The following CCSER1 variants were observed in gnomAD, a reference collection of about 807,000 sequenced individuals.
CCSER1 encodes coiled-coil serine rich protein 1, also known as serine-rich coiled-coil domain-containing protein 1.
In CCSER1, 41 loss-of-function variants were observed where a neutral mutation model predicts 82.0. The observed-to-expected ratio is 0.50, with a 90% CI of 0.39 to 0.65. CCSER1 has a LOEUF of 0.65. Among genes scored for constraint, CCSER1 ranks in the 30% least tolerant of loss-of-function variants. The pLI is 0.00. For missense variants in CCSER1, 1,119 were observed against 1,064.2 expected (o/e 1.05, Z -0.72); for synonymous variants, 414 against 383.9 (o/e 1.08, Z -0.92).
chr4:91,545,924 T>C (rs986120886), intron 10 of CCSER1, among the ~76,000 whole-genome samples: 2 of 152,176 alleles, frequency 1.3e-5, no homozygotes, highest in Admixed American at 6.5e-5. Context: ...GTAGGTTTTA[T>C]TGTAGATGTT....
At chr4:90,228,364 C>G (rs1249081578) in intron 1 of CCSER1, among the ~76,000 whole-genome samples, 1 of 152,144 alleles carries the variant, frequency 6.6e-6, no homozygotes, top group Non-Finnish European at 1.5e-5. Context: ...CAGGGGCAGA[C>G]TGACACCTCA....
chr4:91,591,340 T>C (rs930118427), intron 10 of CCSER1, among the ~76,000 whole-genome samples: 2 of 152,148 alleles, frequency 1.3e-5, no homozygotes, highest in African/African-American at 4.8e-5. Context: ...TTTACCAGTA[T>C]AGGGACAATG....
chr4:90,415,406 T>G (rs1449235497), intron 4 of CCSER1, among the ~76,000 whole-genome samples: 1 of 152,230 alleles, frequency 6.6e-6, no homozygotes, highest in East Asian at 1.9e-4. Flanking sequence ...ATTAACTTTT[T>G]TTATACTTTG....
chr4:90,609,451 A>G (rs952381828), intron 5 of CCSER1, among the ~76,000 whole-genome samples: 3 of 149,964 alleles, frequency 2.0e-5, no homozygotes, highest in African/African-American at 7.5e-5. Flanking sequence ...TCAATAATAC[A>G]CAAAAAAGTC....
intron 10 of CCSER1, among the ~76,000 whole-genome samples, chr4:91,102,038 G>A (rs1183492839): frequency 2.0e-5 from 3 of 152,138 alleles, no homozygotes; most frequent in Non-Finnish European, 4.4e-5. Flanking sequence ...CTGAATGGGG[G>A]AGACTTATGA....
intron 1 of CCSER1, among the ~76,000 whole-genome samples, chr4:90,208,621 G>A (rs1739379162): frequency 6.6e-6 from 1 of 152,054 alleles, no homozygotes; most frequent in South Asian, 2.1e-4. Flanking sequence ...TGAAACCCAG[G>A]TCCCTGGTGA....
intron 3 of CCSER1, among the ~76,000 whole-genome samples, chr4:90,393,772 CTTTTTTTTTT>C (rs997027362): frequency 3.6e-5 from 4 of 111,360 alleles, no homozygotes; most frequent in African/African-American, 1.1e-4. Flanking sequence ...TTATATCTTC[CTTTTTTTTTT>C]TTTTTTTTTT....
Position 91,540,842 on chromosome 4 carries a change from G to A in CCSER1, c.2218-57730G>A, listed in dbSNP as rs1283496087. Reference sequence around the variant, plus strand: ...GTATTGCCTTTGCTTCTTTTCAAAAGATCAGTTGATTATATTTAAGTGGAT... The same window carrying A: ...GTATTGCCTTTGCTTCTTTTCAAAAAATCAGTTGATTATATTTAAGTGGAT... On this transcript the variant is annotated intron_variant, in intron 10 of 10. Transcript: ENST00000509176. 2.0e-5 allele frequency among the ~76,000 whole-genome samples: 3 copies of A among 152,076 alleles called. No individual in the cohort carries two copies. In the East Asian group the frequency reaches 5.8e-4, roughly 29 times the overall value.
intron 9 of CCSER1, among the ~76,000 whole-genome samples, chr4:91,016,089 T>C (rs558802000): frequency 6.6e-6 from 1 of 152,044 alleles, no homozygotes; most frequent in Non-Finnish European, 1.5e-5. Flanking sequence ...AGCTGTTGGC[T>C]TTGAACACTA....
chr4:90,494,561 C>T (rs961481187), intron 5 of CCSER1, among the ~76,000 whole-genome samples: 3 of 152,080 alleles, frequency 2.0e-5, no homozygotes, highest in African/African-American at 4.8e-5. Flanking sequence ...AGTTTGGTCA[C>T]CTTTGAAATT....
At chr4:91,222,970 CTCTTATTT>C (rs1737870814) in intron 10 of CCSER1, among the ~76,000 whole-genome samples, 1 of 152,060 alleles carries the variant, frequency 6.6e-6, no homozygotes, top group Non-Finnish European at 1.5e-5. Context: ...TCACAACTAT[CTCTTATTT>C]TCTTATGGAC....
chr4:90,230,540 C>G (rs1744269567), intron 1 of CCSER1, among the ~76,000 whole-genome samples: 1 of 151,666 alleles, frequency 6.6e-6, no homozygotes, highest in Admixed American at 6.6e-5. Context: ...AAATTGACAC[C>G]CTAACATCAC....
chr4:90,482,031 T>C (rs1303041646), intron 5 of CCSER1, among the ~76,000 whole-genome samples: 2 of 152,204 alleles, frequency 1.3e-5, no homozygotes, highest in African/African-American at 4.8e-5. Context: ...AGCTATTAAT[T>C]ATAGCCTCAA....
chr4:91,157,132 G>T (rs940736845), intron 10 of CCSER1, among the ~76,000 whole-genome samples: 3 of 151,746 alleles, frequency 2.0e-5, no homozygotes, highest in Non-Finnish European at 4.4e-5. Flanking sequence ...TGTATAATTT[G>T]CCCTCTAGAA....
intron 9 of CCSER1, among the ~76,000 whole-genome samples, chr4:91,079,546 A>G (rs1374450794): frequency 6.6e-6 from 1 of 152,246 alleles, no homozygotes; most frequent in African/African-American, 2.4e-5. Flanking sequence ...CATCATAATG[A>G]CAGGATCAAA....
At chr4:90,247,906 C>T (rs1721726734) in intron 1 of CCSER1, among the ~76,000 whole-genome samples, 1 of 151,786 alleles carries the variant, frequency 6.6e-6, no homozygotes, top group South Asian at 2.1e-4. Context: ...GAAGCAATTT[C>T]CCAACCTGTA....
In CCSER1 at chr4:90,203,295, C is replaced by A. The variant is rs756502552; in HGVS notation, c.-42+75464C>A. The stretch of plus-strand genomic sequence containing the variant: ...CATGTGCCATGGTGGTTTGCTGCAC[C>A]CATCAACCTGTCATCTATATTAGGT... On this transcript the variant is annotated intron_variant, in intron 1 of 10. Transcript: ENST00000509176. Among the ~76,000 whole-genome samples, 41 of 152,034 alleles carry A rather than the reference C, an allele frequency of 2.7e-4. 1 individual carries two copies. Among genetic ancestry groups the A allele is most frequent in the Admixed American group, 2.2e-3 (34 of 15,254 alleles).
intron 5 of CCSER1, among the ~76,000 whole-genome samples, chr4:90,607,672 T>C (rs113385202): frequency 3.0e-4 from 46 of 152,318 alleles, no homozygotes; most frequent in Non-Finnish European, 6.3e-4. Flanking sequence ...GTTGACCTTA[T>C]CTTAACTGAT....
chr4:91,166,166 A>G (rs752403923), intron 10 of CCSER1, among the ~76,000 whole-genome samples: 9 of 152,230 alleles, frequency 5.9e-5, no homozygotes, highest in Admixed American at 1.3e-4. Context: ...ATTAAATGTA[A>G]TAATGAAATT....
Sources: allele counts gnomAD v4.1 joint callset (sites outside exome capture counted in the v4.1 genomes callset), GRCh38; gene constraint gnomAD v4.1.1; transcripts MANE v1.5; gene names NCBI Gene and HGNC (gene_info 2026-07-23, HGNC 2026-07-21).